TRAPPC9: variants seen among roughly 807,000 people sequenced by gnomAD.
The protein encoded by TRAPPC9 is IKK2 binding protein.
Under a neutral mutation model 124.0 loss-of-function variants are expected in TRAPPC9, and 83 were observed. That is an observed-to-expected ratio of 0.67 (90% CI 0.56 to 0.80). TRAPPC9 has a LOEUF of 0.80. Ranked by LOEUF, TRAPPC9 falls within the 30% of genes least tolerant of loss-of-function variation. TRAPPC9 has a pLI of 0.00. For missense variants in TRAPPC9, 1,302 were observed against 1,508.3 expected (o/e 0.86, Z 2.27); for synonymous variants, 638 against 617.5 (o/e 1.03, Z -0.49).
chr8:139,795,345 A>G (rs1230261215), intron 21 of TRAPPC9, among the ~76,000 whole-genome samples: 1 of 152,150 alleles, frequency 6.6e-6, no homozygotes, highest in African/African-American at 2.4e-5. Flanking sequence ...TTAATTCCCC[A>G]TGGGCCCTTC....
intron 17 of TRAPPC9, among the ~76,000 whole-genome samples, chr8:140,069,293 T>C (rs768351742): frequency 1.6e-4 from 24 of 152,150 alleles, no homozygotes; most frequent in Non-Finnish European, 2.6e-4. Flanking sequence ...AAGCCCACTG[T>C]CAACCTTCCC....
intron 11 of TRAPPC9, among the ~76,000 whole-genome samples, chr8:140,300,100 A>C (rs76221458): frequency 6.6e-6 from 1 of 152,200 alleles, no homozygotes; most frequent in South Asian, 2.1e-4. Context: ...TAAATTTTTT[A>C]AAATCACATC....
chr8:139,761,232 G>T (rs1327238373), intron 21 of TRAPPC9, among the ~76,000 whole-genome samples: 2 of 152,164 alleles, frequency 1.3e-5, no homozygotes, highest in Admixed American at 6.5e-5. Context: ...AAGGCTGGGG[G>T]AGAAACAGAG....
At chr8:140,271,041 A>T (rs1022908990) in intron 15 of TRAPPC9, among the ~76,000 whole-genome samples, 18 of 152,274 alleles carry the variant, frequency 1.2e-4, no homozygotes, top group African/African-American at 4.3e-4. Flanking sequence ...AATGTTTTCC[A>T]GTTGCTAAGC....
intron 21 of TRAPPC9, among the ~76,000 whole-genome samples, chr8:139,791,098 T>G (rs1350691104): frequency 6.6e-6 from 1 of 152,150 alleles, no homozygotes; most frequent in East Asian, 1.9e-4. Context: ...CAGGTATTCC[T>G]TGACAGCAAT....
intron 17 of TRAPPC9, among the ~76,000 whole-genome samples, chr8:140,173,042 T>C (rs1039712170): frequency 3.3e-5 from 5 of 152,226 alleles, no homozygotes; most frequent in Admixed American, 6.5e-5. Flanking sequence ...ACAGTAGCTA[T>C]GGAGACAGAC....
rs556564386 is a variant in TRAPPC9 at position 140,210,089 on chromosome 8, G to A, written c.2556+11370C>T. Among the ~76,000 whole-genome samples, 4 of 152,354 alleles carry A rather than the reference G, an allele frequency of 2.6e-5. No homozygotes were observed. The East Asian group carries it at 7.7e-4, about 29-fold the overall frequency. On this transcript the variant is annotated intron_variant, in intron 17 of 22. Coordinates refer to ENST00000438773, the MANE Select transcript of TRAPPC9 (RefSeq NM_001160372.4). ...CTAAATCTCCTCGGCGTCACATCCC[G>A]AGCCTCTGTCTCGCTCTTCTTCTGG...
At chr8:139,767,252 A>G (rs1025353861) in intron 21 of TRAPPC9, among the ~76,000 whole-genome samples, 3 of 152,240 alleles carry the variant, frequency 2.0e-5, no homozygotes, top group Admixed American at 6.5e-5. Context: ...AGGGTACAGC[A>G]CAGATGTGAG....
At chr8:140,397,009 C>A (rs1356644303) in intron 7 of TRAPPC9, among the ~76,000 whole-genome samples, 1 of 152,180 alleles carries the variant, frequency 6.6e-6, no homozygotes, top group East Asian at 1.9e-4. Context: ...CGTTCTCATA[C>A]TCGTCTGGTG....
intron 21 of TRAPPC9, among the ~76,000 whole-genome samples, chr8:139,784,763 G>A (rs1004074102): frequency 6.6e-6 from 1 of 151,804 alleles, no homozygotes; most frequent in African/African-American, 2.4e-5. Flanking sequence ...CAGAAGGCGT[G>A]TGAGACTGGT....
chr8:140,411,675 A>G (rs2069712050), intron 5 of TRAPPC9, among the ~76,000 whole-genome samples: 1 of 152,212 alleles, frequency 6.6e-6, no homozygotes, highest in Non-Finnish European at 1.5e-5. Flanking sequence ...GAAAGTAAAC[A>G]TATGTTCAAT....
chr8:140,061,269 G>A (rs1023917437), intron 17 of TRAPPC9, among the ~76,000 whole-genome samples: 8 of 135,068 alleles, frequency 5.9e-5, no homozygotes, highest in Non-Finnish European at 1.0e-4. Context: ...AGGTGTTCAC[G>A]GGAAGACTGC....
intron 19 of TRAPPC9, 28 bp from the exon 20 acceptor site, chr8:139,910,328 G>C (rs1440424654): frequency 6.2e-7 from 1 of 1,613,870 alleles, no homozygotes; most frequent in South Asian, 1.1e-5. Context: ...ACACAGCAGA[G>C]AATTCATCAG....
rs887914242 is a variant in TRAPPC9, at chr8:139,968,944, C to T, written c.2810+19782G>A. On this transcript the variant is annotated intron_variant, in intron 19 of 22. Coordinates refer to ENST00000438773, the MANE Select transcript of TRAPPC9 (RefSeq NM_001160372.4). ...ACAATTTGTCACATGGAGAGACCAT[C>T]AGCTCCAGCTGCACTTCAGACAAAC... Among the ~76,000 whole-genome samples, 5 of 152,234 alleles carry T rather than the reference C, an allele frequency of 3.3e-5. No homozygotes were observed. The South Asian group carries it at 1.0e-3, about 32-fold the overall frequency.
At chr8:140,446,603 G>C (rs918250182) in intron 2 of TRAPPC9, among the ~76,000 whole-genome samples, 1 of 152,066 alleles carries the variant, frequency 6.6e-6, no homozygotes, top group Non-Finnish European at 1.5e-5. Flanking sequence ...GCCCAGGCTA[G>C]AGTGCAATGG....
intron 5 of TRAPPC9, among the ~76,000 whole-genome samples, chr8:140,411,022 C>T (rs568012219): frequency 1.3e-5 from 2 of 152,190 alleles, no homozygotes; most frequent in East Asian, 1.9e-4. Flanking sequence ...CATTAAAGGA[C>T]AAATTCAAGT....
chr8:140,160,800 T>G (rs1372801332), intron 17 of TRAPPC9, among the ~76,000 whole-genome samples: 1 of 148,896 alleles, frequency 6.7e-6, no homozygotes, highest in African/African-American at 2.5e-5. Flanking sequence ...ATAATAAAAA[T>G]AAATAAAATA....
At chr8:140,367,819 G>A (rs991981140) in intron 8 of TRAPPC9, among the ~76,000 whole-genome samples, 2 of 152,172 alleles carry the variant, frequency 1.3e-5, no homozygotes, top group East Asian at 1.9e-4. Context: ...AAGTCTGTGC[G>A]TCTGCAAGGG....
In TRAPPC9 at chr8:140,024,001, C is replaced by G. The variant is rs149434932; in HGVS notation, c.2635G>C (p.Gly879Arg). 1 of 1,613,940 alleles carries G rather than the reference C, an allele frequency of 6.2e-7. No homozygotes were observed. Among genetic ancestry groups the G allele is most frequent in the Non-Finnish European group, 8.5e-7 (1 of 1,180,020 alleles). The change falls in exon 18 of 23, where the codon GGG becomes CGG. Residue 879 changes from glycine (G) to arginine (R), a missense_variant. Physicochemically the swap from Gly to Arg is moderately radical, Grantham distance 125. Transcript: ENST00000438773. The stretch of plus-strand genomic sequence containing the variant: ...GACGGCTCGACTTCTACATGCAGCC[C>G]CAGGGAGAGATTCCTGTAATATCCT... Reference protein sequence around the residue: ...TEGYYRNLSLGLHVEVEPSVF... With the variant: ...TEGYYRNLSLRLHVEVEPSVF...
Sources: gnomAD v4.1 joint callset for allele counts (sites outside exome capture counted in the v4.1 genomes callset) on GRCh38, gnomAD v4.1.1 for gene constraint, MANE v1.5 for transcripts, NCBI Gene and HGNC (gene_info 2026-07-23, HGNC 2026-07-21) for gene names.